ATR: variants seen among roughly 807,000 people sequenced by gnomAD.
ATR encodes ATR checkpoint kinase.
Under a neutral mutation model 305.3 loss-of-function variants are expected in ATR, and 142 were observed. The observed-to-expected ratio is 0.47, with a 90% CI of 0.41 to 0.53. The LOEUF (loss-of-function observed/expected upper bound fraction) is 0.53. ATR is among the 20% of genes least tolerant of loss of function. The pLI is 0.00. For missense variants in ATR, 2,135 were observed against 3,133.1 expected, an observed-to-expected ratio of 0.68 and a Z score of 7.60; for synonymous variants, 1,050 against 1,068.1, an observed-to-expected ratio of 0.98 and a Z score of 0.33.
chr3:142,524,939 T>C (rs191116132), intron 21 of ATR, among the ~76,000 whole-genome samples: 98 of 152,334 alleles, frequency 6.4e-4, no homozygotes, highest in African/African-American at 2.3e-3. Flanking sequence ...ATTTTCTTTC[T>C]AGCACAAGTC....
In ATR at chr3:142,540,864, C is replaced by CA. The variant is rs201551475; in HGVS notation, c.3581+39dup. 0.033 allele frequency: 42,307 copies of CA among 1,276,810 alleles called. 9 individuals carry two copies. Among genetic ancestry groups the CA allele is most frequent in the Non-Finnish European group, 0.035 (32,215 of 928,290 alleles). The allele number at this position is 1,276,810 out of a possible 1,614,324, so 79.1% of individuals were successfully genotyped here. A position where few individuals can be genotyped will look rare whatever the true frequency, so the allele number is the denominator to read the frequency against. On this transcript the variant is annotated intron_variant, in intron 18 of 46. Transcript: ENST00000350721. Reference sequence around the variant, plus strand: ...TTCAAGTTAGTGCTACTGGAAAATGCAAAAAAAAAAAAAATTAATAAACTC... The same window carrying CA: ...TTCAAGTTAGTGCTACTGGAAAATGCAAAAAAAAAAAAAAATTAATAAACTC...
Position 142,540,972 on chromosome 3 carries a change from C to T in ATR, c.3513G>A (p.Arg1171=), listed in dbSNP as rs1007131838. 7 of 1,613,470 alleles carry T rather than the reference C, an allele frequency of 4.3e-6. No homozygotes were observed. In the Admixed American group the frequency reaches 1.0e-4, roughly 23 times the overall value. ...TTCTCAGTGTGGTCATCATCTTCAC[C>T]CTCACAGAACTGACATGTTTGGGTC... ...LMGPKHVSSV[R]VKMMTTLRTG... is the part of the protein sequence containing the mutation. The change falls in exon 18 of 47, where the codon AGG becomes AGA. Residue 1171 remains arginine, a synonymous_variant. Coordinates refer to ENST00000350721, the MANE Select transcript of ATR (RefSeq NM_001184.4).
intron 1 of ATR, among the ~76,000 whole-genome samples, chr3:142,571,304 G>A (rs111391550): frequency 0.018 from 2,723 of 152,050 alleles, 29 homozygotes; most frequent in South Asian, 0.041. Context: ...CATCTCTGCT[G>A]AAAACACAAA....
Position 142,518,052 on chromosome 3 carries a change from C to T in ATR, c.4382+1617G>A, listed in dbSNP as rs1189311470. On this transcript the variant is annotated intron_variant, in intron 24 of 46. Transcript: ENST00000350721. ...TCAGAGCTAGCAAATGCAAAGCCAA[C>T]AATCAAACCTAAGCCTGTGTGACTA... Among the ~76,000 whole-genome samples the T allele has an allele frequency of 3.3e-5, 5 of 152,156 alleles. No individual in the cohort carries two copies. The East Asian group carries it at 9.6e-4, about 29-fold the overall frequency.
Position 142,556,126 on chromosome 3 carries a change from C to T in ATR, c.2092G>A (p.Asp698Asn), listed in dbSNP as rs1553770633. 2 of 1,613,306 alleles carry T rather than the reference C, an allele frequency of 1.2e-6. No individual in the cohort carries two copies. The highest frequency in any genetic ancestry group is 1.7e-5 in the Admixed American group (1 of 59,898). ...VPKILIDKVK[D>N]DSDIVKKEFA... Reference sequence around the variant, plus strand: ...TCTTTCTTGACAATGTCAGAATCATCTTTGACTTTATCTCTGGGGAAAAAA... The same window carrying T: ...TCTTTCTTGACAATGTCAGAATCATTTTTGACTTTATCTCTGGGGAAAAAA... The change falls in exon 10 of 47, where the codon GAT becomes AAT. Residue 698 changes from aspartate to asparagine, a missense_variant. By Grantham distance (23) the Asp-to-Asn change is conservative. Around this residue, in one of 9 missense-constraint regions of ATR, gnomAD observed 744 missense variants for 873.2 expected, o/e 0.85. Transcript: ENST00000350721.
intron 30 of ATR, 57 bp from the exon 31 acceptor site, chr3:142,499,775 G>T: frequency 7.0e-7 from 1 of 1,430,496 alleles, no homozygotes; most frequent in South Asian, 1.1e-5. Context: ...GACATTCAGA[G>T]ATTTTTCATT....
intron 16 of ATR, among the ~76,000 whole-genome samples, chr3:142,545,543 G>C (rs1487425444): frequency 6.6e-6 from 1 of 152,130 alleles, no homozygotes; most frequent in Non-Finnish European, 1.5e-5. Context: ...TTTATGTTAA[G>C]GGCAATGAAA....
intron 46 of ATR, chr3:142,451,846 G>A (rs2070798429): frequency 2.3e-6 from 3 of 1,312,258 alleles, no homozygotes; most frequent in Non-Finnish European, 2.0e-6. Context: ...TCTTTCAGCT[G>A]TTTAGAACAG....
At chr3:142,543,817 G>T (rs1161185428) in intron 16 of ATR, among the ~76,000 whole-genome samples, 1 of 151,710 alleles carries the variant, frequency 6.6e-6, no homozygotes, top group African/African-American at 2.4e-5. Context: ...CTACAGGCAC[G>T]CACCACCTCG....
chr3:142,450,572 G>A (rs774284082), intron 46 of ATR: 16 of 1,607,598 alleles, frequency 1.0e-5, no homozygotes, highest in East Asian at 2.2e-5. Context: ...CAAACTTCAC[G>A]TTACTTAAAT....
chr3:142,506,226 T>C (rs2032229109), intron 28 of ATR, among the ~76,000 whole-genome samples: 2 of 152,180 alleles, frequency 1.3e-5, no homozygotes, highest in South Asian at 4.1e-4. Context: ...ATGGGATGTA[T>C]CTAAAGGAGA....
Position 142,512,406 on chromosome 3 carries a change from A to T in ATR, c.4706T>A (p.Ile1569Asn), listed in dbSNP as rs2108372168. 1 of 1,613,918 alleles carries T rather than the reference A, an allele frequency of 6.2e-7. No homozygotes were observed. The highest frequency in any genetic ancestry group is 8.5e-7 in the Non-Finnish European group (1 of 1,179,884). Residue 1569 changes from isoleucine to asparagine, a missense_variant, in exon 27 of 47, where the codon ATT becomes AAT. Ile to Asn is a moderately radical substitution (Grantham distance 149, BLOSUM62 -3). This residue lies in a region of ATR where 202 missense variants were observed against 252.9 expected (regional missense o/e 0.80). Coordinates refer to ENST00000350721, the MANE Select transcript of ATR (RefSeq NM_001184.4). The stretch of plus-strand genomic sequence containing the variant: ...ACTGAGTTGACACAGATCAGATGCA[A>T]TGTCTTGGGTATTTATGGTATGCTG... ...DDQHTINTQD[I>N]ASDLCQLSTQ...
At chr3:142,483,662 C>A (rs2030695914) in intron 36 of ATR, among the ~76,000 whole-genome samples, 1 of 151,860 alleles carries the variant, frequency 6.6e-6, no homozygotes, top group Non-Finnish European at 1.5e-5. Flanking sequence ...CATGGTGAAA[C>A]CCCGTCTATA....
Position 142,506,604 on chromosome 3 carries a change from T to G in ATR, c.5032-1301A>C, listed in dbSNP as rs373202764. Among the ~76,000 whole-genome samples the G allele has an allele frequency of 6.8e-4, 104 of 152,228 alleles. 2 individuals carry two copies. In the South Asian group the frequency reaches 0.021, roughly 31 times the overall value. ...CGGGAGGCTGAGGTGTGAGGATCCCTTGAGCCTGGGAGGTGGAGGTTGCAG... is the reference window on the plus strand; with the variant it reads ...CGGGAGGCTGAGGTGTGAGGATCCCGTGAGCCTGGGAGGTGGAGGTTGCAG... On this transcript the variant is annotated intron_variant, in intron 28 of 46. Transcript: ENST00000350721.
At chr3:142,485,040 CAGAA>C in intron 36 of ATR, 96 bp downstream of exon 36, 1 of 1,541,098 alleles carries the variant, frequency 6.5e-7, no homozygotes, top group Non-Finnish European at 8.9e-7. Context: ...AGTCATAAGC[CAGAA>C]AATACCTAGA....
At chr3:142,515,883 G>A (rs1274927972) in intron 24 of ATR, among the ~76,000 whole-genome samples, 1 of 152,116 alleles carries the variant, frequency 6.6e-6, no homozygotes, top group Non-Finnish European at 1.5e-5. Context: ...ACTGCTCAGG[G>A]TTTTCTTTCT....
At chr3:142,509,119 A>T (rs188178854) in intron 27 of ATR, among the ~76,000 whole-genome samples, 2 of 152,232 alleles carry the variant, frequency 1.3e-5, no homozygotes, top group Admixed American at 1.3e-4. Flanking sequence ...ACAGGCAACA[A>T]ATTTCTTCAA....
At chr3:142,500,185 G>A (rs1323629769) in intron 30 of ATR, 1 of 165,274 alleles carries the variant, frequency 6.1e-6, no homozygotes, top group Non-Finnish European at 1.3e-5. Context: ...ACGGACAGTT[G>A]GGAGGTATCT....
At position 142,465,263 on chromosome 3, in the gene ATR, T is replaced by G. The variant is rs780907647; in HGVS notation, c.6898-23A>C. ...CACCTAAAAGATGATGAGTTATATA[T>G]GAATTAGGGCCAAAAATTTCTGTGT... is the stretch of plus-strand genomic sequence containing the variant. On this transcript the variant is annotated intron_variant, in intron 40 of 46. Transcript: ENST00000350721. 42 of 1,600,934 alleles carry G rather than the reference T, an allele frequency of 2.6e-5. No individual in the cohort carries two copies. In the South Asian group the frequency reaches 3.9e-4, roughly 15 times the overall value.
Sources: allele counts gnomAD v4.1 joint callset (sites outside exome capture counted in the v4.1 genomes callset), GRCh38; gene constraint gnomAD v4.1.1; regional missense constraint gnomAD v4.1.1; transcripts MANE v1.5; gene names NCBI Gene and HGNC (gene_info 2026-07-23, HGNC 2026-07-21).